AGAP1: variants seen among roughly 807,000 people sequenced by gnomAD.
The protein encoded by AGAP1 is arf-GAP with GTPase, ANK repeat and PH domain-containing protein 1.
A neutral mutation model predicts 105.3 loss-of-function variants in AGAP1; 29 were observed. The observed-to-expected ratio is 0.28, with a 90% confidence interval of 0.21 to 0.38. AGAP1 has a LOEUF of 0.38. AGAP1 is among the 10% of genes least tolerant of loss of function. The probability of loss-of-function intolerance (pLI) is 1.00; values close to 1 mark genes in which losing one functional copy is unlikely to be tolerated. For synonymous variants in AGAP1, 509 were observed against 485.9 expected (o/e 1.05, Z -0.63); for missense variants, 998 against 1,165.1 (o/e 0.86, Z 2.09).
chr2:235,780,427 T>C (rs1388490738), intron 6 of AGAP1, among the ~76,000 whole-genome samples: 1 of 152,172 alleles, frequency 6.6e-6, no homozygotes, highest in Non-Finnish European at 1.5e-5. Context: ...AGATCTTCTG[T>C]CAGTGTGATT....
Position 236,105,799 on chromosome 2 carries a change from A to G in AGAP1, c.2115-14393A>G, listed in dbSNP as rs932661816. Among the ~76,000 whole-genome samples the G allele has an allele frequency of 2.6e-5, 4 of 152,044 alleles. No individual in the cohort carries two copies. Among genetic ancestry groups the G allele is most frequent in the Non-Finnish European group, 5.9e-5 (4 of 68,002 alleles). ...TTTTTAGTAGAGACGGGGTTTCACCATGTTAGCCAGGGTGGTCTCGATCTC... is the reference window on the plus strand; with the variant it reads ...TTTTTAGTAGAGACGGGGTTTCACCGTGTTAGCCAGGGTGGTCTCGATCTC... On this transcript the variant is annotated intron_variant, in intron 16 of 17. Coordinates refer to ENST00000304032, the MANE Select transcript of AGAP1 (RefSeq NM_001037131.3). This position sits in a 1 kb window ranked among gnomAD's most constrained non-coding sequence, Gnocchi z 4.2.
chr2:235,910,879 C>T (rs2051573957), intron 11 of AGAP1, among the ~76,000 whole-genome samples: 1 of 145,236 alleles, frequency 6.9e-6, no homozygotes, highest in Non-Finnish European at 1.5e-5. Context: ...CGCACCACTG[C>T]ACTCCAGCCT....
chr2:236,062,402 T>C lies in AGAP1; in HGVS notation c.2114+13121T>C, dbSNP rs1054820329. ...GGGGAGGGAGGCAGAGCCAGGCTGG[T>C]ATGGGATTCTAGGAGCATACTCAGG... On this transcript the variant is annotated intron_variant, in intron 16 of 17. Transcript: ENST00000304032. This position sits in a 1 kb window ranked among gnomAD's most constrained non-coding sequence, Gnocchi z 4.2. Among the ~76,000 whole-genome samples the C allele has an allele frequency of 6.6e-6, 1 of 151,968 alleles. No homozygotes were observed. The highest frequency in any genetic ancestry group is 2.4e-5 in the African/African-American group (1 of 41,302).
chr2:235,799,336 T>C lies in AGAP1; in HGVS notation c.802-31T>C. 6.2e-7 allele frequency: 1 copy of C among 1,607,844 alleles called. No homozygotes were observed. Among genetic ancestry groups the C allele is most frequent in the African/African-American group, 1.3e-5 (1 of 74,964 alleles). On this transcript the variant is annotated intron_variant, in intron 7 of 17. Coordinates refer to ENST00000304032, the MANE Select transcript of AGAP1 (RefSeq NM_001037131.3). The surrounding 1 kb of genome is among the most constrained non-coding windows in gnomAD (Gnocchi z 5.0). ...AGGTCTTGGGTTCCTGAGTATGTCG[T>C]TAATGAAACCTTGGATTTTAATCAT...
chr2:236,053,940 C>T lies in AGAP1; in HGVS notation c.2114+4659C>T, dbSNP rs1471786261. 6.6e-6 allele frequency among the ~76,000 whole-genome samples: 1 copy of T among 152,180 alleles called. No homozygotes were observed. Among genetic ancestry groups the T allele is most frequent in the Non-Finnish European group, 1.5e-5 (1 of 68,036 alleles). On this transcript the variant is annotated intron_variant, in intron 16 of 17. Coordinates refer to ENST00000304032, the MANE Select transcript of AGAP1 (RefSeq NM_001037131.3). This position sits in a 1 kb window ranked among gnomAD's most constrained non-coding sequence, Gnocchi z 4.6. ...AGCATCCTTTTTCTTTTTCTTCCCC[C>T]CATTATTTGTAAGTTCACCTCTGTG...
chr2:236,103,409 G>A (rs1474400023), intron 16 of AGAP1, among the ~76,000 whole-genome samples: 1 of 151,920 alleles, frequency 6.6e-6, no homozygotes, highest in Non-Finnish European at 1.5e-5. Flanking sequence ...AGCCTGTGCA[G>A]TCTGACCCTG....
rs1303213447 is a variant in AGAP1 at position 235,979,060 on chromosome 2, CT to C, written c.1645+10438del. On this transcript the variant is annotated intron_variant, in intron 13 of 17. Coordinates refer to ENST00000304032, the MANE Select transcript of AGAP1 (RefSeq NM_001037131.3). The surrounding 1 kb of genome is among the most constrained non-coding windows in gnomAD (Gnocchi z 4.5). ...TTCAGATGCAGTGAACCCAGTTTTT[CT>C]GTTCATTTTAAGATTGATATGCTTT... Among the ~76,000 whole-genome samples, 1 of 150,982 alleles carries C rather than the reference CT, an allele frequency of 6.6e-6. No individual in the cohort carries two copies. Among genetic ancestry groups the C allele is most frequent in the African/African-American group, 2.5e-5 (1 of 40,640 alleles).
At position 236,012,183 on chromosome 2, in the gene AGAP1, T is replaced by C. The variant is rs2056535905; in HGVS notation, c.1646-24378T>C. 6.6e-6 allele frequency among the ~76,000 whole-genome samples: 1 copy of C among 152,112 alleles called. No homozygotes were observed. Among genetic ancestry groups the C allele is most frequent in the Admixed American group, 6.5e-5 (1 of 15,274 alleles). On this transcript the variant is annotated intron_variant, in intron 13 of 17. Transcript: ENST00000304032. The surrounding 1 kb of genome is among the most constrained non-coding windows in gnomAD (Gnocchi z 4.9). Reference sequence around the variant, plus strand: ...ATAGAAAGCCGGGCTGCAAGTTCACTTCCTGCTTATACATCCTGTGGTAAT... The same window carrying C: ...ATAGAAAGCCGGGCTGCAAGTTCACCTCCTGCTTATACATCCTGTGGTAAT...
chr2:235,713,958 C>G lies in AGAP1; in HGVS notation c.223-3599C>G, dbSNP rs1230696312. On this transcript the variant is annotated intron_variant, in intron 2 of 17. Coordinates refer to ENST00000304032, the MANE Select transcript of AGAP1 (RefSeq NM_001037131.3). ...CTAATCTGCTCCCACAACTGCCACA[C>G]CTCGTAATACAATCACCTTGGGGAT... Among the ~76,000 whole-genome samples the G allele has an allele frequency of 2.6e-5, 4 of 152,244 alleles. No homozygotes were observed. In the South Asian group the frequency reaches 8.3e-4, roughly 32 times the overall value.
rs1172078524 is a variant in AGAP1 at position 235,971,784 on chromosome 2, T to TATTG, written c.1645+3162_1645+3165dup. Among the ~76,000 whole-genome samples, 8 of 148,250 alleles carry TATTG rather than the reference T, an allele frequency of 5.4e-5. No homozygotes were observed. Among genetic ancestry groups the TATTG allele is most frequent in the African/African-American group, 2.0e-4 (8 of 40,300 alleles). ...TTATTTATTTATTTATTTATTTATT[T>TATTG]ATTGTATTTTTTGAGACAGGTCCTC... On this transcript the variant is annotated intron_variant, in intron 13 of 17. Transcript: ENST00000304032. The surrounding 1 kb of genome is among the most constrained non-coding windows in gnomAD (Gnocchi z 4.8).
chr2:235,686,796 G>A (rs1949474192), intron 1 of AGAP1, among the ~76,000 whole-genome samples: 1 of 149,822 alleles, frequency 6.7e-6, no homozygotes, highest in South Asian at 2.1e-4. Flanking sequence ...TGAGACTACA[G>A]ACACATGCCA....
intron 1 of AGAP1, among the ~76,000 whole-genome samples, chr2:235,707,516 C>G (rs1174629976): frequency 7.0e-6 from 1 of 141,944 alleles, no homozygotes; most frequent in Non-Finnish European, 1.5e-5. Flanking sequence ...GATGTGCCCC[C>G]CACTCTGTGA....
intron 6 of AGAP1, among the ~76,000 whole-genome samples, chr2:235,780,958 A>C (rs961717303): frequency 6.6e-6 from 1 of 152,228 alleles, no homozygotes; most frequent in African/African-American, 2.4e-5. Context: ...TACATGTATA[A>C]GAATAAAATT....
chr2:235,531,099 AT>A (rs1943028437), intron 1 of AGAP1, among the ~76,000 whole-genome samples: 1 of 152,210 alleles, frequency 6.6e-6, no homozygotes. Context: ...AGATCTGCTA[AT>A]GCACGTGTCC....
chr2:235,727,173 C>T (rs1409796454), intron 3 of AGAP1, among the ~76,000 whole-genome samples: 1 of 152,134 alleles, frequency 6.6e-6, no homozygotes, highest in Non-Finnish European at 1.5e-5. Context: ...ATTGTTCTGT[C>T]CCTTCGGGTG....
intron 9 of AGAP1, among the ~76,000 whole-genome samples, chr2:235,837,513 G>A (rs1204473334): frequency 1.3e-5 from 2 of 152,118 alleles, no homozygotes; most frequent in African/African-American, 2.4e-5. Flanking sequence ...CTTGCCAGCT[G>A]TGAGCCTCAG....
intron 1 of AGAP1, among the ~76,000 whole-genome samples, chr2:235,589,108 G>A (rs1012435782): frequency 6.6e-5 from 10 of 151,060 alleles, no homozygotes; most frequent in African/African-American, 9.7e-5. Flanking sequence ...TGGGTTCAGC[G>A]CTCAGGGCCT....
Position 235,970,331 on chromosome 2 carries a change from T to G in AGAP1, c.1645+1708T>G, listed in dbSNP as rs2054589366. Reference sequence around the variant, plus strand: ...AGAGCAGCCACAGATGCCACTGACCTTCCCACTGAAAACAGTATCAGCCGC... The same window carrying G: ...AGAGCAGCCACAGATGCCACTGACCGTCCCACTGAAAACAGTATCAGCCGC... On this transcript the variant is annotated intron_variant, in intron 13 of 17. Transcript: ENST00000304032. The surrounding 1 kb of genome is among the most constrained non-coding windows in gnomAD (Gnocchi z 5.4). Among the ~76,000 whole-genome samples the G allele has an allele frequency of 6.6e-6, 1 of 152,134 alleles. No individual in the cohort carries two copies. Among genetic ancestry groups the G allele is most frequent in the African/African-American group, 2.4e-5 (1 of 41,434 alleles).
At chr2:236,007,965 AAG>A (rs2056379624) in intron 13 of AGAP1, among the ~76,000 whole-genome samples, 1 of 152,270 alleles carries the variant, frequency 6.6e-6, no homozygotes, top group Admixed American at 6.5e-5. Flanking sequence ...TCTCACAAGA[AAG>A]AGGTGCATTT....
Sources: gnomAD v4.1 joint callset for allele counts (sites outside exome capture counted in the v4.1 genomes callset) on GRCh38, gnomAD v4.1.1 for gene constraint, Gnocchi (gnomAD v3.1) non-coding constraint, MANE v1.5 for transcripts, NCBI Gene and HGNC (gene_info 2026-07-23, HGNC 2026-07-21) for gene names.